Variants in NFILZ observed in about 807,000 individuals in gnomAD.
NFILZ encodes NFIL3 like protein.
At chr19:8,660,692 C>CCATCTTTTTTAA (rs2043026376) in intron 3 of NFILZ, among the ~76,000 whole-genome samples, 1 of 142,928 alleles carries the variant, frequency 7.0e-6, no homozygotes, top group Non-Finnish European at 1.5e-5. Flanking sequence ...GGTTGGAGTT[C>CCATCTTTTTTAA]GATGGTGCAG....
chr19:8,648,479 G>T (rs2042951921), intron 3 of NFILZ, among the ~76,000 whole-genome samples: 1 of 152,034 alleles, frequency 6.6e-6, no homozygotes, highest in Non-Finnish European at 1.5e-5. Context: ...GCTGAGAAAT[G>T]ATTAAAATGG....
chr19:8,637,167 C>T (rs1351773959), intron 3 of NFILZ, among the ~76,000 whole-genome samples: 5 of 152,004 alleles, frequency 3.3e-5, no homozygotes, highest in Admixed American at 6.6e-5. Flanking sequence ...CCCAGGAGTT[C>T]GAGGCTGCAG....
chr19:8,653,038 T>TTCTCTCTCCCTCTCTCTCTC lies in NFILZ; in HGVS notation c.-164+17300_-164+17301insCCTCTCTCTCTCTCTCTCTC, dbSNP rs2042975354. On this transcript the variant is annotated intron_variant, in intron 3 of 5. Coordinates refer to ENST00000691075, the MANE Select transcript of NFILZ (RefSeq NM_001378600.1). The stretch of plus-strand genomic sequence containing the variant: ...TTTCTTTCTTTCTTTCTTTCTTTCT[T>TTCTCTCTCCCTCTCTCTCTC]TCTCTCTCTCTCTCTCTCTCTCTCT... Among the ~76,000 whole-genome samples the TTCTCTCTCCCTCTCTCTCTC allele has an allele frequency of 1.3e-4, 12 of 90,594 alleles. 1 individual carries two copies. The highest frequency in any genetic ancestry group is 1.3e-4 in the Non-Finnish European group (6 of 46,152). The allele number at this position is 90,594 out of a possible 152,430, so 59.4% of individuals were successfully genotyped here.
rs1217995524 is a variant in NFILZ, at chr19:8,636,844, G to A, written c.-164+1098G>A. 2.0e-5 allele frequency among the ~76,000 whole-genome samples: 3 copies of A among 152,102 alleles called. No individual in the cohort carries two copies. In the East Asian group the frequency reaches 5.8e-4, roughly 30 times the overall value. ...TGACCACAAGTGATCCGCCCACCTTGGCCTCCCAAAGTTTTGGGATTACAG... is the reference window on the plus strand; with the variant it reads ...TGACCACAAGTGATCCGCCCACCTTAGCCTCCCAAAGTTTTGGGATTACAG... On this transcript the variant is annotated intron_variant, in intron 3 of 5. Coordinates refer to ENST00000691075, the MANE Select transcript of NFILZ (RefSeq NM_001378600.1).
intron 3 of NFILZ, among the ~76,000 whole-genome samples, chr19:8,660,572 C>T (rs1555748985): frequency 3.2e-5 from 4 of 125,118 alleles, no homozygotes; most frequent in African/African-American, 1.4e-4. Context: ...TCCTTCCTCC[C>T]CTCCCTCCCT....
intron 3 of NFILZ, among the ~76,000 whole-genome samples, chr19:8,656,370 CTCCCTGAAGCCCACCTT>C (rs2042997756): frequency 4.8e-5 from 3 of 62,624 alleles, no homozygotes; most frequent in African/African-American, 1.4e-4. Context: ...AGCCCACCTT[CTCCCTGAAGCCCACCTT>C]CTCCCGCAGC....
chr19:8,639,106 AGTG>A (rs2042908076), intron 3 of NFILZ, among the ~76,000 whole-genome samples: 1 of 152,120 alleles, frequency 6.6e-6, no homozygotes, highest in Non-Finnish European at 1.5e-5. Flanking sequence ...GGCCTCCCAA[AGTG>A]GTGGGATTGC....
intron 3 of NFILZ, among the ~76,000 whole-genome samples, chr19:8,656,529 CT>C (rs1311260228): frequency 7.9e-5 from 8 of 101,460 alleles, no homozygotes; most frequent in African/African-American, 1.5e-4. Flanking sequence ...CCCACCTTCT[CT>C]CTGAAGCTCC....
intron 3 of NFILZ, among the ~76,000 whole-genome samples, chr19:8,658,025 A>G (rs2043012876): frequency 6.6e-6 from 1 of 152,114 alleles, no homozygotes; most frequent in Non-Finnish European, 1.5e-5. Flanking sequence ...AGAGGGTTAC[A>G]GGCATTGGGA....
intron 3 of NFILZ, among the ~76,000 whole-genome samples, chr19:8,636,426 C>T (rs1355909162): frequency 2.9e-5 from 4 of 138,276 alleles, no homozygotes; most frequent in African/African-American, 5.2e-5. Flanking sequence ...CCAGCCTGGG[C>T]AACACAGCGA....
intron 3 of NFILZ, among the ~76,000 whole-genome samples, chr19:8,664,332 G>A (rs1555749538): frequency 6.6e-6 from 1 of 152,156 alleles, no homozygotes; most frequent in African/African-American, 2.4e-5. Flanking sequence ...TGGGTCCTTG[G>A]CCTCACCGGC....
intron 3 of NFILZ, among the ~76,000 whole-genome samples, chr19:8,639,724 G>A (rs2042910746): frequency 6.6e-6 from 1 of 152,122 alleles, no homozygotes; most frequent in African/African-American, 2.4e-5. Flanking sequence ...TTGGAAGGAC[G>A]ACATGAATTA....
chr19:8,664,208 C>G (rs1173922000), intron 3 of NFILZ, among the ~76,000 whole-genome samples: 1 of 152,188 alleles, frequency 6.6e-6, no homozygotes, highest in Non-Finnish European at 1.5e-5. Context: ...AATGTATGTA[C>G]CGGGTTACCT....
chr19:8,647,769 A>ACG (rs1568419345), intron 3 of NFILZ, among the ~76,000 whole-genome samples: 1 of 136,558 alleles, frequency 7.3e-6, no homozygotes, highest in South Asian at 2.4e-4. Context: ...ACACACACAC[A>ACG]CGCACACATG....
chr19:8,672,204 AG>A (rs1321437667), intron 3 of NFILZ, among the ~76,000 whole-genome samples: 1 of 152,170 alleles, frequency 6.6e-6, no homozygotes, highest in Non-Finnish European at 1.5e-5. Context: ...TGCATTTATT[AG>A]TTCATTCAAA....
chr19:8,657,379 G>A (rs1288601965), intron 3 of NFILZ, among the ~76,000 whole-genome samples: 2 of 152,090 alleles, frequency 1.3e-5, no homozygotes, highest in Admixed American at 1.3e-4. Flanking sequence ...TGGGATTACA[G>A]GCGTCAGCCA....
At chr19:8,653,534 C>T (rs1027470218) in intron 3 of NFILZ, among the ~76,000 whole-genome samples, 1 of 152,146 alleles carries the variant, frequency 6.6e-6, no homozygotes, top group African/African-American at 2.4e-5. Context: ...CATGTTTTTT[C>T]CAGCACAATT....
intron 3 of NFILZ, among the ~76,000 whole-genome samples, chr19:8,673,010 T>C (rs1296450327): frequency 6.6e-6 from 1 of 152,022 alleles, no homozygotes; most frequent in Non-Finnish European, 1.5e-5. Context: ...TAGAAAATGC[T>C]TGGGCGGGGA....
chr19:8,639,128 G>A (rs557092375), intron 3 of NFILZ, among the ~76,000 whole-genome samples: 2 of 152,288 alleles, frequency 1.3e-5, no homozygotes, highest in South Asian at 4.1e-4. Flanking sequence ...GCAGGTGTCA[G>A]CCACTGAGCC....
Sources: gnomAD v4.1 joint callset for allele counts (sites outside exome capture counted in the v4.1 genomes callset) on GRCh38, gnomAD v4.1.1 for gene constraint, MANE v1.5 for transcripts, NCBI Gene and HGNC (gene_info 2026-07-23, HGNC 2026-07-21) for gene names.